Variants in NRXN3 observed in about 807,000 individuals in gnomAD.
The protein encoded by NRXN3 is neurexin 3.
A neutral mutation model predicts 137.6 loss-of-function variants in NRXN3; 32 were observed. The ratio of observed to expected loss-of-function variants is 0.23; its 90% CI spans 0.18 to 0.31. NRXN3 has a LOEUF of 0.31. Ranked by LOEUF, NRXN3 falls within the 10% of genes least tolerant of loss-of-function variation. The probability of loss-of-function intolerance (pLI) is 1.00; values close to 1 mark genes in which losing one functional copy is unlikely to be tolerated. For missense variants in NRXN3, 1,574 were observed against 2,062.5 expected (o/e 0.76, Z 4.59); for synonymous variants, 798 against 784.5 (o/e 1.02, Z -0.29).
chr14:79,632,333 C>T (rs1212910553), intron 16 of NRXN3: 1 of 155,770 alleles, frequency 6.4e-6, no homozygotes, highest in Admixed American at 6.5e-5. Flanking sequence ...CCCACCAATT[C>T]TGGACACACT....
At chr14:78,604,589 C>T (rs1254831965) in intron 4 of NRXN3, among the ~76,000 whole-genome samples, 3 of 152,136 alleles carry the variant, frequency 2.0e-5, no homozygotes, top group African/African-American at 7.2e-5. Context: ...TGAGAATTAG[C>T]TTACTTCTAA....
intron 15 of NRXN3, among the ~76,000 whole-genome samples, chr14:79,377,054 C>G (rs1157957831): frequency 6.6e-6 from 1 of 152,156 alleles, no homozygotes; most frequent in Admixed American, 6.6e-5. Context: ...TTATTAGGCA[C>G]TTACTCTGTG....
chr14:79,568,912 T>A (rs79114871), intron 16 of NRXN3, among the ~76,000 whole-genome samples: 8,060 of 152,274 alleles, frequency 0.053, 248 homozygotes, highest in East Asian at 0.08. Context: ...TTTGGCCATG[T>A]GGGCAGGGTA....
chr14:79,853,107 T>C (rs904167602), intron 20 of NRXN3, among the ~76,000 whole-genome samples: 7 of 152,256 alleles, frequency 4.6e-5, no homozygotes, highest in African/African-American at 1.7e-4. Flanking sequence ...GATGATGTCG[T>C]TTGGAAAATG....
chr14:78,261,044 G>A (rs2153474850), intron 2 of NRXN3, among the ~76,000 whole-genome samples: 1 of 152,196 alleles, frequency 6.6e-6, no homozygotes, highest in East Asian at 1.9e-4. Flanking sequence ...TTACAGATGA[G>A]GAAACTGTAG....
chr14:78,351,128 T>G (rs528577162), intron 4 of NRXN3, among the ~76,000 whole-genome samples: 1 of 152,200 alleles, frequency 6.6e-6, no homozygotes, highest in Non-Finnish European at 1.5e-5. Flanking sequence ...TATATAGTAC[T>G]CACAGAAATG....
intron 16 of NRXN3, among the ~76,000 whole-genome samples, chr14:79,541,599 G>A (rs1261730919): frequency 1.3e-5 from 2 of 152,252 alleles, no homozygotes; most frequent in Non-Finnish European, 2.9e-5. Flanking sequence ...GGCCTGATGA[G>A]GTAGGAAAGA....
At chr14:79,143,064 T>TA (rs1271064114) in intron 15 of NRXN3, among the ~76,000 whole-genome samples, 2 of 152,206 alleles carry the variant, frequency 1.3e-5, no homozygotes, top group Non-Finnish European at 2.9e-5. Context: ...TAAAAGCAGT[T>TA]ACGGCAGCCC....
chr14:78,465,477 A>G (rs767536612), intron 4 of NRXN3, among the ~76,000 whole-genome samples: 27 of 152,200 alleles, frequency 1.8e-4, no homozygotes, highest in Non-Finnish European at 3.5e-4. Flanking sequence ...AAAAGATGAT[A>G]TGGGAAAGAA....
intron 19 of NRXN3, among the ~76,000 whole-genome samples, chr14:79,706,426 T>G (rs1346776008): frequency 6.7e-6 from 1 of 149,406 alleles, no homozygotes; most frequent in African/African-American, 2.4e-5. Context: ...TTACTTTTTT[T>G]TTTTTTTTTT....
intron 4 of NRXN3, among the ~76,000 whole-genome samples, chr14:78,620,685 C>A (rs138386232): frequency 6.2e-4 from 95 of 152,246 alleles, no homozygotes; most frequent in Middle Eastern, 3.4e-3. Flanking sequence ...GCTGCTGCTG[C>A]TGATGATGAT....
At chr14:78,776,342 TA>T (rs1394117324) in intron 8 of NRXN3, among the ~76,000 whole-genome samples, 1 of 152,194 alleles carries the variant, frequency 6.6e-6, no homozygotes, top group Non-Finnish European at 1.5e-5. Context: ...TGTCTCTGAT[TA>T]AATACCTTCT....
At chr14:78,204,080 A>G (rs1471404280) in intron 1 of NRXN3, among the ~76,000 whole-genome samples, 1 of 152,064 alleles carries the variant, frequency 6.6e-6, no homozygotes, top group East Asian at 1.9e-4. Flanking sequence ...TTTATTCCTT[A>G]TTGTTGGATA....
At chr14:79,041,742 G>A (rs977626950) in intron 15 of NRXN3, among the ~76,000 whole-genome samples, 1 of 152,182 alleles carries the variant, frequency 6.6e-6, no homozygotes, top group African/African-American at 2.4e-5. Context: ...AATGTAAAAA[G>A]AAGAGTGAGT....
rs377068425 is a variant in NRXN3, at chr14:78,248,831, A to G, written c.709+5029A>G. Among the ~76,000 whole-genome samples, 9 of 152,130 alleles carry G rather than the reference A, an allele frequency of 5.9e-5. No individual in the cohort carries two copies. The South Asian group carries it at 1.0e-3, about 18-fold the overall frequency. On this transcript the variant is annotated intron_variant, in intron 2 of 20. Coordinates refer to ENST00000335750, the MANE Select transcript of NRXN3 (RefSeq NM_001330195.2). ...ACAGAAGCAGGGCCTTAAAATGTAC[A>G]CAAAGGAGGGACTGCTGCTTCTGAG...
intron 9 of NRXN3, 123 bp from the exon 10 acceptor site, chr14:78,810,195 A>T: frequency 3.1e-6 from 2 of 639,876 alleles, no homozygotes. Context: ...CTTTATATAT[A>T]TAAAATGGCC....
At chr14:78,178,882 G>T (rs2059516936) in intron 1 of NRXN3, among the ~76,000 whole-genome samples, 2 of 152,182 alleles carry the variant, frequency 1.3e-5, no homozygotes, top group African/African-American at 2.4e-5. Flanking sequence ...ATCTAAAACT[G>T]GGGGTAAAAG....
At chr14:78,810,925 C>T (rs1469000226) in intron 10 of NRXN3, among the ~76,000 whole-genome samples, 1 of 152,190 alleles carries the variant, frequency 6.6e-6, no homozygotes, top group Admixed American at 6.5e-5. Flanking sequence ...TTATTTTCAC[C>T]TTATCCCATT....
At chr14:79,384,085 A>G (rs548728285) in intron 15 of NRXN3, among the ~76,000 whole-genome samples, 2 of 152,268 alleles carry the variant, frequency 1.3e-5, no homozygotes, top group East Asian at 1.9e-4. Flanking sequence ...CAAGCCAGAA[A>G]TTGTCAGGCA....
Sources: gnomAD v4.1 joint callset for allele counts (sites outside exome capture counted in the v4.1 genomes callset) on GRCh38, gnomAD v4.1.1 for gene constraint, MANE v1.5 for transcripts, NCBI Gene and HGNC (gene_info 2026-07-23, HGNC 2026-07-21) for gene names.